SEMA3A: variants seen among roughly 807,000 people sequenced by gnomAD.
SEMA3A encodes the protein semaphorin 3A.
A neutral mutation model predicts 97.9 loss-of-function variants in SEMA3A; 29 were observed. The ratio of observed to expected loss-of-function variants is 0.30; its 90% CI spans 0.22 to 0.40. The LOEUF (loss-of-function observed/expected upper bound fraction) is 0.40. Ranked by LOEUF, SEMA3A falls within the 10% of genes least tolerant of loss-of-function variation. The pLI is 1.00. For missense variants in SEMA3A, 763 were observed against 951.3 expected (o/e 0.80, Z 2.60); for synonymous variants, 321 against 323.7 (o/e 0.99, Z 0.09).
At position 84,134,878 on chromosome 7, in the gene SEMA3A, C is replaced by T; in HGVS notation, c.186G>A (p.Leu62=). Residue 62 remains leucine, a synonymous_variant, in exon 2 of 17, where the codon TTG becomes TTA. Transcript: ENST00000265362. ...CATACAGCCTACTCCGTTCCTCATCCAAAAGGAAGGTATGATAACTGGAGC... is the reference window on the plus strand; with the variant it reads ...CATACAGCCTACTCCGTTCCTCATCTAAAAGGAAGGTATGATAACTGGAGC... The part of the protein sequence containing the change: ...ANSSSYHTFL[L]DEERSRLYVG... 2 of 1,613,792 alleles carry T rather than the reference C, an allele frequency of 1.2e-6. No homozygotes were observed. The highest frequency in any genetic ancestry group is 1.7e-6 in the Non-Finnish European group (2 of 1,179,802).
chr7:84,277,784 T>C (rs1800343752), intron 3 of SEMA3A, among the ~76,000 whole-genome samples: 1 of 152,138 alleles, frequency 6.6e-6, no homozygotes. Context: ...CCTTCTAGGC[T>C]TCAAGACCTC....
chr7:84,485,210 T>A (rs1157310798), intron 1 of SEMA3A, among the ~76,000 whole-genome samples: 1 of 152,164 alleles, frequency 6.6e-6, no homozygotes, highest in Non-Finnish European at 1.5e-5. Flanking sequence ...GCACATAAAC[T>A]AACAGTACTC....
chr7:83,992,709 T>C (rs974970697), intron 12 of SEMA3A, among the ~76,000 whole-genome samples: 2 of 151,958 alleles, frequency 1.3e-5, no homozygotes, highest in African/African-American at 2.4e-5. Context: ...TCTGTTCTTT[T>C]ACATTTGCTG....
In SEMA3A at chr7:84,182,935, G is replaced by A. The variant is rs186546096; in HGVS notation, c.112+11540C>T. 3.6e-3 allele frequency among the ~76,000 whole-genome samples: 554 copies of A among 152,142 alleles called. 1 individual carries two copies. The highest frequency in any genetic ancestry group is 0.012 in the African/African-American group (506 of 41,546). On this transcript the variant is annotated intron_variant, in intron 1 of 16. Coordinates refer to ENST00000265362, the MANE Select transcript of SEMA3A (RefSeq NM_006080.3). ...AAAGACACACACTACACATAAAATA[G>A]TTGTCAATTAGCTTTCATTATTACT...
chr7:84,051,853 T>C (rs958572982), intron 5 of SEMA3A, among the ~76,000 whole-genome samples: 1 of 151,386 alleles, frequency 6.6e-6, no homozygotes, highest in East Asian at 1.9e-4. Context: ...GGGTTTGTCA[T>C]AGATAGCTCT....
At chr7:84,355,420 TTCA>T (rs1802533817) in intron 2 of SEMA3A, among the ~76,000 whole-genome samples, 1 of 151,826 alleles carries the variant, frequency 6.6e-6, no homozygotes, top group Admixed American at 6.6e-5. Context: ...GTAGGAAAAA[TTCA>T]TCATCAACAC....
At chr7:84,318,279 T>G (rs1801559449) in intron 2 of SEMA3A, among the ~76,000 whole-genome samples, 1 of 151,788 alleles carries the variant, frequency 6.6e-6, no homozygotes, top group Non-Finnish European at 1.5e-5. Context: ...CCATTAAACG[T>G]TCTGTATTTG....
chr7:84,169,015 G>C (rs1176492358), intron 1 of SEMA3A, among the ~76,000 whole-genome samples: 1 of 151,616 alleles, frequency 6.6e-6, no homozygotes, highest in African/African-American at 2.4e-5. Context: ...TAATATAATT[G>C]ATCCTGAGTT....
At chr7:84,404,658 C>T (rs1314801444) in intron 1 of SEMA3A, among the ~76,000 whole-genome samples, 6 of 152,084 alleles carry the variant, frequency 3.9e-5, no homozygotes, top group African/African-American at 9.7e-5. Context: ...GGTCGGGTTA[C>T]CCAAAAAGGG....
At chr7:84,312,076 A>C (rs1182654911) in intron 2 of SEMA3A, among the ~76,000 whole-genome samples, 1 of 151,972 alleles carries the variant, frequency 6.6e-6, no homozygotes, top group Non-Finnish European at 1.5e-5. Context: ...ACACAGGCTG[A>C]AAATAAATGT....
intron 1 of SEMA3A, among the ~76,000 whole-genome samples, chr7:84,454,186 A>G (rs755195181): frequency 6.6e-6 from 1 of 152,156 alleles, no homozygotes; most frequent in African/African-American, 2.4e-5. Context: ...TCTTGCTGCA[A>G]TTTGGGGAAT....
At chr7:84,313,372 A>ATATGTATATGTGTG (rs1554362712) in intron 2 of SEMA3A, among the ~76,000 whole-genome samples, 30 of 43,242 alleles carry the variant, frequency 6.9e-4, no homozygotes, top group Admixed American at 2.9e-3. Flanking sequence ...ATATATATAT[A>ATATGTATATGTGTG]TATATATATA....
At chr7:84,418,490 G>A (rs1362831251) in intron 1 of SEMA3A, among the ~76,000 whole-genome samples, 1 of 152,022 alleles carries the variant, frequency 6.6e-6, no homozygotes, top group African/African-American at 2.4e-5. Context: ...AGATTTGAGT[G>A]GGGACACATC....
At chr7:84,139,166 T>C (rs1411474881) in intron 1 of SEMA3A, among the ~76,000 whole-genome samples, 2 of 152,108 alleles carry the variant, frequency 1.3e-5, no homozygotes, top group Admixed American at 6.6e-5. Flanking sequence ...TCTTCCACCT[T>C]CTTACATCTT....
chr7:84,426,036 C>G lies in SEMA3A; in HGVS notation c.-245-54136G>C, dbSNP rs537950520. Among the ~76,000 whole-genome samples the G allele has an allele frequency of 3.3e-5, 5 of 149,470 alleles. No homozygotes were observed. The South Asian group carries it at 6.4e-4, about 19-fold the overall frequency. The stretch of plus-strand genomic sequence containing the variant: ...ATTTGGCAGCTAAGCTATGGGTATA[C>G]AAAGGCATACAGAGTGGTATAACAC... On this transcript the variant is annotated intron_variant, in intron 1 of 3. Coordinates refer to the SEMA3A transcript ENST00000424555.
At chr7:84,288,450 C>T (rs1047146578) in intron 3 of SEMA3A, among the ~76,000 whole-genome samples, 1 of 152,020 alleles carries the variant, frequency 6.6e-6, no homozygotes, top group Non-Finnish European at 1.5e-5. Flanking sequence ...AGTTCAAAGA[C>T]CATTTGGGGG....
chr7:84,429,904 C>T (rs899482639), intron 1 of SEMA3A, among the ~76,000 whole-genome samples: 1 of 151,654 alleles, frequency 6.6e-6, no homozygotes, highest in African/African-American at 2.4e-5. Context: ...AACAAGAATA[C>T]CAACATGTTA....
intron 12 of SEMA3A, among the ~76,000 whole-genome samples, chr7:83,991,157 G>T (rs201333327): frequency 1.3e-5 from 2 of 151,112 alleles, no homozygotes; most frequent in East Asian, 4.1e-4. Flanking sequence ...TGTGATTTTT[G>T]TACATTGATT....
At chr7:84,192,795 T>A (rs1798090477) in intron 1 of SEMA3A, among the ~76,000 whole-genome samples, 1 of 151,950 alleles carries the variant, frequency 6.6e-6, no homozygotes. Flanking sequence ...ATTTTTAAAA[T>A]ATATATCATG....
Sources: gnomAD v4.1 joint callset for allele counts (sites outside exome capture counted in the v4.1 genomes callset) on GRCh38, gnomAD v4.1.1 for gene constraint, MANE v1.5 for transcripts, NCBI Gene and HGNC (gene_info 2026-07-23, HGNC 2026-07-21) for gene names.